Variants in RAPGEF5 observed in about 807,000 individuals in gnomAD.
RAPGEF5 encodes M-Ras-regulated GEF.
RAPGEF5 carries 65 observed loss-of-function variants against 125.2 expected under a neutral mutation model. The observed-to-expected ratio is 0.52, with a 90% CI of 0.43 to 0.64. RAPGEF5 has a LOEUF of 0.64. Among genes scored for constraint, RAPGEF5 ranks in the 30% least tolerant of loss-of-function variants. RAPGEF5 has a pLI of 0.00. For missense variants in RAPGEF5, 958 were observed against 1,048.1 expected (o/e 0.91, Z 1.19); for synonymous variants, 391 against 385.9 (o/e 1.01, Z -0.16).
At chr7:22,294,775 C>T (rs1204740400) in intron 5 of RAPGEF5, among the ~76,000 whole-genome samples, 2 of 152,198 alleles carry the variant, frequency 1.3e-5, no homozygotes, top group South Asian at 2.1e-4. Flanking sequence ...CCAGCCACAA[C>T]ATCTCTCACC....
intron 11 of RAPGEF5, among the ~76,000 whole-genome samples, chr7:22,170,681 G>GC (rs1216622241): frequency 2.6e-5 from 4 of 152,140 alleles, no homozygotes; most frequent in Admixed American, 6.6e-5. Flanking sequence ...TTGGATGGTG[G>GC]CAAACCCATT....
At chr7:22,333,512 G>A (rs1369435865) in intron 1 of RAPGEF5, among the ~76,000 whole-genome samples, 2 of 152,120 alleles carry the variant, frequency 1.3e-5, no homozygotes, top group Non-Finnish European at 2.9e-5. Context: ...CAAATTTAAA[G>A]AATGAAAAGA....
chr7:22,308,339 A>G lies in RAPGEF5; in HGVS notation c.680T>C (p.Leu227Pro). Residue 227 changes from leucine (L) to proline (P), a missense_variant and splice_region_variant, in exon 5 of 26, where the codon CTG becomes CCG. Physicochemically the swap from Leu to Pro is moderately conservative, Grantham distance 98 (BLOSUM62 -3). Transcript: ENST00000665637. ...ATGGCACAAGAGAGCATCTACTTAC[A>G]GTTCACAGATGCCACCTCTGGCAGG... ...LIPARGGICE[L>P]SHQKIEDSEE... 2 of 1,583,394 alleles carry G rather than the reference A, an allele frequency of 1.3e-6. No individual in the cohort carries two copies. The highest frequency in any genetic ancestry group is 1.7e-6 in the Non-Finnish European group (2 of 1,163,392).
intron 9 of RAPGEF5, among the ~76,000 whole-genome samples, chr7:22,212,351 C>T (rs982921605): frequency 1.3e-5 from 2 of 151,136 alleles, no homozygotes; most frequent in Non-Finnish European, 3.0e-5. Flanking sequence ...CAGATTCTGT[C>T]TCTCTCTCTC....
chr7:22,349,065 G>A (rs974892176), intron 1 of RAPGEF5, among the ~76,000 whole-genome samples: 3 of 150,800 alleles, frequency 2.0e-5, no homozygotes, highest in Non-Finnish European at 4.4e-5. Flanking sequence ...CTCCAGGCTG[G>A]GTGAAAGAGC....
chr7:22,188,060 G>T (rs1784876092), intron 11 of RAPGEF5, among the ~76,000 whole-genome samples: 1 of 152,148 alleles, frequency 6.6e-6, no homozygotes, highest in African/African-American at 2.4e-5. Context: ...GAAATAAAAA[G>T]ATATAAATAC....
Position 22,318,042 on chromosome 7 carries a change from T to A in RAPGEF5, c.232-5A>T. Reference sequence around the variant, plus strand: ...AGATATTCTTCTTGATAGAGTCTATTTTAAACAAAGAAAAAAAAAATAGTT... The same window carrying A: ...AGATATTCTTCTTGATAGAGTCTATATTAAACAAAGAAAAAAAAAATAGTT... On this transcript the variant is annotated splice_polypyrimidine_tract_variant and splice_region_variant and intron_variant, in intron 1 of 25. Coordinates refer to ENST00000665637, the MANE Select transcript of RAPGEF5 (RefSeq NM_012294.5). 5.9e-6 allele frequency: 9 copies of A among 1,525,288 alleles called. No homozygotes were observed. Among genetic ancestry groups the A allele is most frequent in the Non-Finnish European group, 7.9e-6 (9 of 1,140,576 alleles). 94.5% of individuals were successfully genotyped at this position (1,525,288 alleles called of 1,614,324 possible). A position where few individuals can be genotyped will look rare whatever the true frequency, so the allele number is the denominator to read the frequency against.
chr7:22,232,720 C>T (rs367826727), intron 7 of RAPGEF5, among the ~76,000 whole-genome samples: 2 of 152,196 alleles, frequency 1.3e-5, no homozygotes, highest in African/African-American at 4.8e-5. Flanking sequence ...CTGTGTGGTG[C>T]CCACCATGGA....
At chr7:22,259,612 G>A (rs1311788833) in intron 7 of RAPGEF5, among the ~76,000 whole-genome samples, 1 of 152,150 alleles carries the variant, frequency 6.6e-6, no homozygotes, top group East Asian at 1.9e-4. Context: ...CTTTCAGTAA[G>A]TAAATGGATA....
intron 11 of RAPGEF5, among the ~76,000 whole-genome samples, chr7:22,183,818 G>A (rs754501801): frequency 3.3e-5 from 5 of 152,136 alleles, no homozygotes; most frequent in Non-Finnish European, 7.4e-5. Context: ...TCAGAAAGTG[G>A]TTAACATTTT....
rs1782403738 is a variant in RAPGEF5, at chr7:22,271,011, CATTAA to C, written c.748-4004_748-4000del. Among the ~76,000 whole-genome samples, 3 of 152,252 alleles carry C rather than the reference CATTAA, an allele frequency of 2.0e-5. No homozygotes were observed. The East Asian group carries it at 5.8e-4, about 29-fold the overall frequency. The stretch of plus-strand genomic sequence containing the variant: ...GGACTGTAAACCTCTACTAGTGTTA[CATTAA>C]AGTTTCCCTCCCTCATCTTTTTCTC... On this transcript the variant is annotated intron_variant, in intron 6 of 25. Coordinates refer to ENST00000665637, the MANE Select transcript of RAPGEF5 (RefSeq NM_012294.5).
chr7:22,332,430 A>G lies in RAPGEF5; in HGVS notation c.232-14393T>C, dbSNP rs1783940672. On this transcript the variant is annotated intron_variant, in intron 1 of 25. Coordinates refer to ENST00000665637, the MANE Select transcript of RAPGEF5 (RefSeq NM_012294.5). ...TATTTTTACATATGTACTTAAATGC[A>G]GTAAAAAAGTCATCATATAAATAAA... Among the ~76,000 whole-genome samples, 12 of 152,366 alleles carry G rather than the reference A, an allele frequency of 7.9e-5. 1 individual carries two copies. The South Asian group carries it at 2.5e-3, about 32-fold the overall frequency.
chr7:22,161,631 CA>C (rs1394950247), intron 13 of RAPGEF5, among the ~76,000 whole-genome samples: 1 of 151,244 alleles, frequency 6.6e-6, no homozygotes, highest in East Asian at 1.9e-4. Flanking sequence ...TTAAATTAAG[CA>C]GTTGCTTTGC....
Position 22,118,674 on chromosome 7 carries a change from GAC to G in RAPGEF5, c.*3730_*3731del, listed in dbSNP as rs1221147333. 6.6e-6 allele frequency: 1 copy of G among 152,566 alleles called. No individual in the cohort carries two copies. Among genetic ancestry groups the G allele is most frequent in the Non-Finnish European group, 1.5e-5 (1 of 68,022 alleles). 9.5% of individuals were successfully genotyped at this position (152,566 alleles called of 1,614,324 possible). On this transcript the variant is annotated 3_prime_UTR_variant, in exon 26 of 26. Transcript: ENST00000665637. ...TATCTTCTAATTGTTAATGCAAGCT[GAC>G]AATATCACAGCAGCCCTAATTAATG... is the stretch of plus-strand genomic sequence containing the variant.
chr7:22,165,806 T>C (rs185633547), intron 12 of RAPGEF5, among the ~76,000 whole-genome samples: 14 of 152,072 alleles, frequency 9.2e-5, no homozygotes, highest in Admixed American at 8.5e-4. Context: ...GGATATTAAA[T>C]AAGCATTATC....
rs778352565 is a variant in RAPGEF5 at position 22,121,570 on chromosome 7, G to C, written c.*836C>G. 34 of 152,154 alleles carry C rather than the reference G, an allele frequency of 2.2e-4. No individual in the cohort carries two copies. Among genetic ancestry groups the C allele is most frequent in the Non-Finnish European group, 3.8e-4 (26 of 68,040 alleles). The allele number at this position is 152,154 out of a possible 1,614,324, so 9.4% of individuals were successfully genotyped here. Reference sequence around the variant, plus strand: ...TTGGTGAGTGTTTGCAATGTGTCAGGCACTGTGCTTTTTCAAAATCATATT... The same window carrying C: ...TTGGTGAGTGTTTGCAATGTGTCAGCCACTGTGCTTTTTCAAAATCATATT... On this transcript the variant is annotated 3_prime_UTR_variant, in exon 26 of 26. Transcript: ENST00000665637.
rs560806613 is a variant in RAPGEF5, at chr7:22,256,389, T to C, written c.796+10575A>G. Among the ~76,000 whole-genome samples the C allele has an allele frequency of 4.6e-5, 7 of 152,278 alleles. No homozygotes were observed. In the South Asian group the frequency reaches 1.2e-3, roughly 27 times the overall value. On this transcript the variant is annotated intron_variant, in intron 7 of 25. Transcript: ENST00000665637. The stretch of plus-strand genomic sequence containing the variant: ...TGAATGAATGTAAAAAGTGAAAACA[T>C]TGTTAGAACAGGATTTTTAAATATT...
intron 6 of RAPGEF5, among the ~76,000 whole-genome samples, chr7:22,284,144 G>A (rs770810620): frequency 2.9e-4 from 44 of 151,974 alleles, no homozygotes; most frequent in African/African-American, 7.0e-4. Flanking sequence ...TTACCAGGAC[G>A]AAGATACGTA....
In RAPGEF5 at chr7:22,292,061, G is replaced by A. The variant is rs545292518; in HGVS notation, c.681-820C>T. On this transcript the variant is annotated intron_variant, in intron 5 of 25. Coordinates refer to ENST00000665637, the MANE Select transcript of RAPGEF5 (RefSeq NM_012294.5). Reference sequence around the variant, plus strand: ...TTGTCTCCAAGATCTATTTCCACAAGCAATCCCTTTCAATGTATGCTGTGG... The same window carrying A: ...TTGTCTCCAAGATCTATTTCCACAAACAATCCCTTTCAATGTATGCTGTGG... Among the ~76,000 whole-genome samples the A allele has an allele frequency of 5.7e-3, 875 of 152,258 alleles. 3 individuals carry two copies. The highest frequency in any genetic ancestry group is 0.014 in the Middle Eastern group (4 of 294).
Sources: gnomAD v4.1 joint callset for allele counts (sites outside exome capture counted in the v4.1 genomes callset) on GRCh38, gnomAD v4.1.1 for gene constraint, MANE v1.5 for transcripts, NCBI Gene and HGNC (gene_info 2026-07-23, HGNC 2026-07-21) for gene names.